LARGE1: variants seen among roughly 807,000 people sequenced by gnomAD.
LARGE1 encodes the protein LARGE xylosyl- and glucuronyltransferase 1.
A neutral mutation model predicts 87.6 loss-of-function variants in LARGE1; 43 were observed. The ratio of observed to expected loss-of-function variants is 0.49; its 90% confidence interval spans 0.38 to 0.63. The LOEUF (loss-of-function observed/expected upper bound fraction) is 0.63. Among genes scored for constraint, LARGE1 ranks in the 30% least tolerant of loss-of-function variants. The pLI, the probability that LARGE1 is intolerant of heterozygous loss-of-function variation, is 0.00. For missense variants in LARGE1, 802 were observed against 1,000.2 expected, an observed-to-expected ratio of 0.80 and a Z score of 2.67; for synonymous variants, 434 against 394.6, an observed-to-expected ratio of 1.10 and a Z score of -1.18.
intron 4 of LARGE1, among the ~76,000 whole-genome samples, chr22:33,616,081 C>A (rs117094792): frequency 0.024 from 3,691 of 152,186 alleles, 66 homozygotes; most frequent in Non-Finnish European, 0.037. Context: ...AATGAAGCAG[C>A]TGGTAGGAGA....
At chr22:33,588,761 A>G (rs1031327152) in intron 5 of LARGE1, among the ~76,000 whole-genome samples, 1 of 152,122 alleles carries the variant, frequency 6.6e-6, no homozygotes, top group African/African-American at 2.4e-5. Flanking sequence ...CTTTGCATGA[A>G]GTTAGGACCC....
chr22:33,821,672 A>T (rs2086823145), intron 1 of LARGE1, among the ~76,000 whole-genome samples: 1 of 152,212 alleles, frequency 6.6e-6, no homozygotes, highest in African/African-American at 2.4e-5. Context: ...CCTTAGCCCC[A>T]ATCAATGACT....
chr22:33,104,039 C>A, the LARGE1 span, among the ~76,000 whole-genome samples: 1 of 152,116 alleles, frequency 6.6e-6, no homozygotes, highest in Non-Finnish European at 1.5e-5. Context: ...TCTAAATGAC[C>A]CAGTCTCAGG....
intron 7 of LARGE1, among the ~76,000 whole-genome samples, chr22:33,426,601 C>T (rs2066887984): frequency 6.6e-6 from 1 of 152,216 alleles, no homozygotes; most frequent in African/African-American, 2.4e-5. Flanking sequence ...CAAATGTTTT[C>T]TCCTTTTGAA....
At position 33,863,136 on chromosome 22, in the gene LARGE1, G is replaced by A. The variant is rs79642029; in HGVS notation, c.-83+56859C>T. On this transcript the variant is annotated intron_variant, in intron 1 of 14. Coordinates refer to ENST00000397394, the MANE Select transcript of LARGE1 (RefSeq NM_133642.5). Reference sequence around the variant, plus strand: ...CGTGGCACACAGGAACACGGGAGCCGACAGTTTAGGGTTCAAGTCTCAGCT... The same window carrying A: ...CGTGGCACACAGGAACACGGGAGCCAACAGTTTAGGGTTCAAGTCTCAGCT... Among the ~76,000 whole-genome samples, 928 of 152,192 alleles carry A rather than the reference G, an allele frequency of 6.1e-3. 14 individuals are homozygous for A. Among genetic ancestry groups the A allele is most frequent in the African/African-American group, 0.021 (865 of 41,506 alleles).
chr22:33,156,406 T>A, the LARGE1 span, among the ~76,000 whole-genome samples: 3 of 152,172 alleles, frequency 2.0e-5, no homozygotes. Flanking sequence ...CCTCTTACAT[T>A]AATGTTATCT....
At chr22:33,393,542 A>C (rs367698243) in intron 7 of LARGE1, among the ~76,000 whole-genome samples, 22 of 152,350 alleles carry the variant, frequency 1.4e-4, no homozygotes, top group Middle Eastern at 3.4e-3. Context: ...TTTAAGCTGA[A>C]ACAACACGGA....
At chr22:33,403,543 G>T (rs2065994288) in intron 7 of LARGE1, among the ~76,000 whole-genome samples, 1 of 152,092 alleles carries the variant, frequency 6.6e-6, no homozygotes, top group African/African-American at 2.4e-5. Context: ...AAGGTCTGAG[G>T]CCTAGGTTAA....
chr22:33,828,668 C>A (rs1205488672), intron 1 of LARGE1, among the ~76,000 whole-genome samples: 3 of 152,220 alleles, frequency 2.0e-5, no homozygotes, highest in Admixed American at 6.5e-5. Flanking sequence ...AAGGAACACA[C>A]TGAAGTCTAA....
At chr22:33,194,868 A>G (rs575132275) in intron 11 of LARGE1, among the ~76,000 whole-genome samples, 2 of 152,314 alleles carry the variant, frequency 1.3e-5, no homozygotes, top group Non-Finnish European at 2.9e-5. Flanking sequence ...CTAGGTTGAT[A>G]GAAAGAGTGC....
chr22:33,847,492 C>T (rs2063468315), intron 1 of LARGE1, among the ~76,000 whole-genome samples: 1 of 152,166 alleles, frequency 6.6e-6, no homozygotes, highest in South Asian at 2.1e-4. Context: ...AGATATGCTT[C>T]ACATGGTAAC....
the LARGE1 span, among the ~76,000 whole-genome samples, chr22:33,112,499 G>A: frequency 6.6e-6 from 1 of 152,208 alleles, no homozygotes; most frequent in Non-Finnish European, 1.5e-5. Flanking sequence ...AAGTCATGTT[G>A]GCAAATATCA....
At chr22:33,548,636 A>T (rs2077435592) in intron 6 of LARGE1, among the ~76,000 whole-genome samples, 1 of 152,100 alleles carries the variant, frequency 6.6e-6, no homozygotes, top group Non-Finnish European at 1.5e-5. Context: ...GCTGGTCTCA[A>T]ACTCCCAACC....
At chr22:33,073,817 C>T in the LARGE1 span, among the ~76,000 whole-genome samples, 4 of 152,164 alleles carry the variant, frequency 2.6e-5, no homozygotes, top group Admixed American at 2.0e-4. Flanking sequence ...CATATACATG[C>T]TAATAAACCT....
At chr22:33,920,489 C>A (rs1396587322), upstream of LARGE1, 1 of 145,270 alleles carries the variant, frequency 6.9e-6, no homozygotes, top group Non-Finnish European at 1.5e-5. Context: ...CCGGGCCGGG[C>A]GCCGAACGCG....
At chr22:33,550,908 G>A (rs2077505735) in intron 6 of LARGE1, among the ~76,000 whole-genome samples, 1 of 152,168 alleles carries the variant, frequency 6.6e-6, no homozygotes, top group East Asian at 1.9e-4. Flanking sequence ...CAACATGGGT[G>A]GAACTGGAGG....
At chr22:33,424,791 CTG>C (rs1429185045) in intron 7 of LARGE1, among the ~76,000 whole-genome samples, 1 of 152,120 alleles carries the variant, frequency 6.6e-6, no homozygotes, top group Non-Finnish European at 1.5e-5. Context: ...CTGCAGCGAG[CTG>C]TGTCTGCGCC....
intron 11 of LARGE1, among the ~76,000 whole-genome samples, chr22:33,203,014 CA>C (rs1428412052): frequency 6.6e-6 from 1 of 151,502 alleles, no homozygotes; most frequent in Non-Finnish European, 1.5e-5. Context: ...ATTTAAAAAA[CA>C]TATCTCTGAA....
intron 2 of LARGE1, among the ~76,000 whole-genome samples, chr22:33,714,099 G>C (rs1375325270): frequency 6.6e-6 from 1 of 151,978 alleles, no homozygotes; most frequent in Non-Finnish European, 1.5e-5. Context: ...GGTCCATGCA[G>C]ACTGACTCCT....
Sources: gnomAD v4.1 joint callset for allele counts (sites outside exome capture counted in the v4.1 genomes callset) on GRCh38, gnomAD v4.1.1 for gene constraint, MANE v1.5 for transcripts, NCBI Gene and HGNC (gene_info 2026-07-23, HGNC 2026-07-21) for gene names.